Variants in TOX observed in about 807,000 individuals in gnomAD.
TOX encodes thymocyte selection-associated high mobility group box protein TOX.
Under a neutral mutation model 53.7 loss-of-function variants are expected in TOX, and 11 were observed. The observed-to-expected ratio is 0.20, with a 90% CI of 0.13 to 0.34. The LOEUF is 0.34. TOX is among the 10% of genes least tolerant of loss of function. TOX has a pLI of 1.00. For missense variants in TOX, 570 were observed against 664.6 expected (o/e 0.86, Z 1.56); for synonymous variants, 225 against 245.3 (o/e 0.92, Z 0.77).
intron 1 of TOX, among the ~76,000 whole-genome samples, chr8:58,967,065 G>A (rs1006508021): frequency 6.6e-6 from 1 of 151,780 alleles, no homozygotes; most frequent in Non-Finnish European, 1.5e-5. Flanking sequence ...TAGTAGAGAC[G>A]GGGTTTCACC....
chr8:58,933,154 C>G (rs1812286699), intron 3 of TOX, among the ~76,000 whole-genome samples: 1 of 152,138 alleles, frequency 6.6e-6, no homozygotes, highest in Non-Finnish European at 1.5e-5. Flanking sequence ...TAAAACTTTG[C>G]ACGGTTTTTC....
chr8:58,962,127 T>C (rs1812809921), intron 1 of TOX, among the ~76,000 whole-genome samples: 1 of 152,258 alleles, frequency 6.6e-6, no homozygotes, highest in African/African-American at 2.4e-5. Flanking sequence ...TCTGGTGTTG[T>C]TCTCAAGCCA....
chr8:59,044,843 A>G (rs2129420965), intron 1 of TOX, among the ~76,000 whole-genome samples: 1 of 152,336 alleles, frequency 6.6e-6, no homozygotes, highest in Non-Finnish European at 1.5e-5. Flanking sequence ...ACTCCTTATC[A>G]AACACAAGAA....
At chr8:58,911,566 T>G (rs1444048125) in intron 3 of TOX, among the ~76,000 whole-genome samples, 1 of 152,190 alleles carries the variant, frequency 6.6e-6, no homozygotes, top group Admixed American at 6.5e-5. Context: ...AAGTCTTCAT[T>G]GATAGTTAGG....
chr8:58,825,450 G>C (rs1312362167), intron 6 of TOX, among the ~76,000 whole-genome samples: 1 of 152,190 alleles, frequency 6.6e-6, no homozygotes, highest in East Asian at 1.9e-4. Flanking sequence ...TTGCAGCTAA[G>C]AGCAAATCTG....
At chr8:59,063,426 C>CT (rs35219789) in intron 1 of TOX, among the ~76,000 whole-genome samples, 7,490 of 123,752 alleles carry the variant, frequency 0.061, 917 homozygotes, top group African/African-American at 0.2. Flanking sequence ...AGGATATAGA[C>CT]TTTTTTTTTT....
chr8:58,881,607 C>T (rs1377718045), intron 3 of TOX, among the ~76,000 whole-genome samples: 2 of 151,508 alleles, frequency 1.3e-5, no homozygotes, highest in Non-Finnish European at 2.9e-5. Flanking sequence ...GCCTGTAGTC[C>T]CAGCTACTCA....
intron 2 of TOX, among the ~76,000 whole-genome samples, chr8:58,944,745 T>C (rs1227429827): frequency 6.6e-6 from 1 of 152,198 alleles, no homozygotes; most frequent in African/African-American, 2.4e-5. Context: ...ACAATGGCTT[T>C]ATATAGCTAC....
intron 2 of TOX, among the ~76,000 whole-genome samples, chr8:58,951,483 A>C (rs1812620076): frequency 6.6e-6 from 1 of 151,148 alleles, no homozygotes; most frequent in African/African-American, 2.4e-5. Flanking sequence ...ACAAGAAATA[A>C]AAAAAAAACT....
intron 1 of TOX, among the ~76,000 whole-genome samples, chr8:59,011,062 G>A (rs779781167): frequency 6.6e-6 from 1 of 152,208 alleles, no homozygotes; most frequent in South Asian, 2.1e-4. Flanking sequence ...GAAAAACCAT[G>A]AGGTTAATTT....
At chr8:59,095,104 G>T (rs528538348) in intron 1 of TOX, among the ~76,000 whole-genome samples, 54 of 152,254 alleles carry the variant, frequency 3.5e-4, no homozygotes, top group African/African-American at 1.3e-3. Context: ...TAAGCATAAG[G>T]GACAAGGACT....
chr8:58,921,528 C>G (rs1265272192), intron 3 of TOX, among the ~76,000 whole-genome samples: 1 of 152,190 alleles, frequency 6.6e-6, no homozygotes, highest in Non-Finnish European at 1.5e-5. Context: ...CAGGATCTTT[C>G]AGCTACACTT....
chr8:59,108,218 C>G (rs541343996), intron 1 of TOX, among the ~76,000 whole-genome samples: 4 of 152,256 alleles, frequency 2.6e-5, no homozygotes, highest in Non-Finnish European at 5.9e-5. Flanking sequence ...CTTATCATTC[C>G]TTTTTCACAA....
At chr8:59,098,017 C>T (rs1443356369) in intron 1 of TOX, among the ~76,000 whole-genome samples, 3 of 151,814 alleles carry the variant, frequency 2.0e-5, no homozygotes, top group South Asian at 4.2e-4. Flanking sequence ...GGAAATCCAT[C>T]ATTTGGAGTA....
chr8:58,960,155 A>C (rs1812777362), intron 1 of TOX, 147 bp from the exon 2 acceptor site: 1 of 801,276 alleles, frequency 1.2e-6, no homozygotes, highest in African/African-American at 1.7e-5. Flanking sequence ...AATCTGTCAC[A>C]GCAAGCGAGC....
intron 3 of TOX, among the ~76,000 whole-genome samples, chr8:58,910,524 C>A (rs1443934450): frequency 6.6e-6 from 1 of 152,134 alleles, no homozygotes; most frequent in Non-Finnish European, 1.5e-5. Flanking sequence ...GATATATTCC[C>A]ATGTCTAGCA....
At chr8:59,044,229 T>TAAAA (rs1803646239) in intron 1 of TOX, among the ~76,000 whole-genome samples, 1 of 70,550 alleles carries the variant, frequency 1.4e-5, no homozygotes, top group Non-Finnish European at 2.3e-5. Context: ...ATGGCACTCA[T>TAAAA]CAAAAAAAAA....
intron 1 of TOX, among the ~76,000 whole-genome samples, chr8:59,092,077 C>T (rs1219505721): frequency 6.6e-6 from 1 of 151,102 alleles, no homozygotes; most frequent in Non-Finnish European, 1.5e-5. Flanking sequence ...TGGTGAAGTC[C>T]TGTCTCTACT....
At chr8:58,993,087 C>T (rs1813486513) in intron 1 of TOX, 2 of 152,148 alleles carry the variant, frequency 1.3e-5, no homozygotes, top group Middle Eastern at 6.8e-3. Flanking sequence ...GCCACCAAGA[C>T]AGAGAACAGG....
Sources: gnomAD v4.1 joint callset for allele counts (sites outside exome capture counted in the v4.1 genomes callset) on GRCh38, gnomAD v4.1.1 for gene constraint, MANE v1.5 for transcripts, NCBI Gene and HGNC (gene_info 2026-07-23, HGNC 2026-07-21) for gene names.